POU2F3: variants seen among roughly 807,000 people sequenced by gnomAD.
POU2F3 encodes the protein POU domain, class 2, transcription factor 3.
In POU2F3, 23 loss-of-function variants were observed where a neutral mutation model predicts 59.2. The observed-to-expected ratio is 0.39, with a 90% CI of 0.28 to 0.55. The LOEUF is 0.55. Ranked by LOEUF, POU2F3 falls within the 20% of genes least tolerant of loss-of-function variation. The pLI is 0.66. For synonymous variants in POU2F3, 190 were observed against 214.6 expected, an observed-to-expected ratio of 0.89 and a Z score of 1.00; for missense variants, 473 against 544.5, an observed-to-expected ratio of 0.87 and a Z score of 1.31.
At chr11:120,277,083 C>CA (rs1349428735) in intron 3 of POU2F3, among the ~76,000 whole-genome samples, 3 of 151,652 alleles carry the variant, frequency 2.0e-5, no homozygotes, top group African/African-American at 7.3e-5. Flanking sequence ...TACAAAAATA[C>CA]AAAAAAATAT....
chr11:120,250,581 A>G (rs1391307510), intron 2 of POU2F3, among the ~76,000 whole-genome samples: 1 of 152,240 alleles, frequency 6.6e-6, no homozygotes, highest in Non-Finnish European at 1.5e-5. Flanking sequence ...TACCTAGAGA[A>G]TGACAGAACT....
At chr11:120,280,457 A>C (rs1238108452) in intron 3 of POU2F3, among the ~76,000 whole-genome samples, 1 of 152,148 alleles carries the variant, frequency 6.6e-6, no homozygotes, top group Non-Finnish European at 1.5e-5. Context: ...AATCCTTACA[A>C]CAGCCTGGTG....
At chr11:120,245,646 C>A (rs1938838458) in intron 1 of POU2F3, among the ~76,000 whole-genome samples, 1 of 152,190 alleles carries the variant, frequency 6.6e-6, no homozygotes, top group Non-Finnish European at 1.5e-5. Flanking sequence ...GGGCCTCCCA[C>A]ATAGGTGGTG....
intron 3 of POU2F3, among the ~76,000 whole-genome samples, chr11:120,293,597 A>T (rs1444077031): frequency 2.6e-5 from 4 of 152,190 alleles, no homozygotes; most frequent in Non-Finnish European, 5.9e-5. Context: ...TGAAATGTTT[A>T]TGAAACACTT....
chr11:120,294,758 G>A (rs1036510453), intron 3 of POU2F3, among the ~76,000 whole-genome samples: 3 of 152,150 alleles, frequency 2.0e-5, no homozygotes, highest in Non-Finnish European at 2.9e-5. Flanking sequence ...GTTGAACTCA[G>A]CTAATAGAGA....
intron 10 of POU2F3, 139 bp downstream of exon 10, chr11:120,309,725 G>A (rs1941604200): frequency 1.9e-6 from 2 of 1,046,110 alleles, no homozygotes; most frequent in African/African-American, 1.6e-5. Context: ...ATAGTATAAA[G>A]AAGGGCGAGG....
chr11:120,309,292 G>A (rs1300928431), intron 9 of POU2F3, 133 bp from the exon 10 acceptor site: 5 of 894,696 alleles, frequency 5.6e-6, no homozygotes, highest in Non-Finnish European at 5.0e-6. Context: ...AAGTGAAAAA[G>A]CCAGTATTTC....
Position 120,309,517 on chromosome 11 carries a change from C to T in POU2F3, c.999C>T (p.Arg333=), listed in dbSNP as rs372281815. 5 of 1,613,916 alleles carry T rather than the reference C, an allele frequency of 3.1e-6. No individual in the cohort carries two copies. Among genetic ancestry groups the T allele is most frequent in the Non-Finnish European group, 4.2e-6 (5 of 1,180,012 alleles). The change falls in exon 10 of 13, where the codon CGC becomes CGT. Residue 333 remains arginine (R), a synonymous_variant. Coordinates refer to ENST00000543440, the MANE Select transcript of POU2F3 (RefSeq NM_014352.4). The stretch of plus-strand genomic sequence containing the variant: ...TGAGGGTCTGGTTCTGCAACCGACG[C>T]CAAAAGGAGAAGCGAATCAACTGCC... ...EVVRVWFCNR[R]QKEKRINCPV...
At chr11:120,236,764 C>T (rs1225054457), upstream of POU2F3, 22 of 1,400,128 alleles carry the variant, frequency 1.6e-5, no homozygotes, top group Admixed American at 1.4e-4. Flanking sequence ...GATCAGTGAG[C>T]AAGTCTGAGA....
chr11:120,268,512 T>C (rs769936742), intron 2 of POU2F3, among the ~76,000 whole-genome samples: 1 of 152,090 alleles, frequency 6.6e-6, no homozygotes, highest in African/African-American at 2.4e-5. Context: ...GGCTAATTTT[T>C]TTGTATTTTT....
At chr11:120,317,792 T>G (rs1941827611) in intron 12 of POU2F3, among the ~76,000 whole-genome samples, 1 of 152,198 alleles carries the variant, frequency 6.6e-6, no homozygotes, top group African/African-American at 2.4e-5. Flanking sequence ...TGCCAATTCC[T>G]GTCTCCCACT....
intron 1 of POU2F3, among the ~76,000 whole-genome samples, chr11:120,241,632 G>T (rs73006667): frequency 6.6e-6 from 1 of 152,342 alleles, no homozygotes; most frequent in Non-Finnish European, 1.5e-5. Context: ...AGATCCCCGG[G>T]TAGGTGCTCT....
intron 3 of POU2F3, among the ~76,000 whole-genome samples, chr11:120,269,977 G>A (rs759622605): frequency 6.6e-6 from 1 of 152,114 alleles, no homozygotes; most frequent in Non-Finnish European, 1.5e-5. Flanking sequence ...GCGGGAGTGG[G>A]AGAGTTTGTT....
chr11:120,265,635 A>G (rs901281744), intron 2 of POU2F3, among the ~76,000 whole-genome samples: 17 of 152,224 alleles, frequency 1.1e-4, no homozygotes, highest in African/African-American at 4.1e-4. Flanking sequence ...TAATCTCTGA[A>G]TTGTGCTTAC....
At chr11:120,264,701 A>G (rs939787689) in intron 2 of POU2F3, among the ~76,000 whole-genome samples, 2 of 152,204 alleles carry the variant, frequency 1.3e-5, no homozygotes, top group Non-Finnish European at 2.9e-5. Context: ...ACCTTGTTTT[A>G]CCACTGAGAT....
chr11:120,280,451 C>T (rs1940515845), intron 3 of POU2F3, among the ~76,000 whole-genome samples: 1 of 152,174 alleles, frequency 6.6e-6, no homozygotes, highest in Non-Finnish European at 1.5e-5. Flanking sequence ...CTAATTAATC[C>T]TTACAACAGC....
intron 5 of POU2F3, chr11:120,301,320 C>T: frequency 4.1e-6 from 1 of 246,076 alleles, no homozygotes; most frequent in Non-Finnish European, 8.1e-6. Context: ...TCCATTTCAA[C>T]CGCCATGTCA....
At position 120,305,655 on chromosome 11, in the gene POU2F3, G is replaced by T. The variant is rs749323966; in HGVS notation, c.639G>T (p.Gly213=). The change falls in exon 8 of 13, where the codon GGG becomes GGT. Residue 213 remains glycine, a synonymous_variant. Transcript: ENST00000543440. ...IKLGFTQGDV[G]LAMGKLYGND... is the part of the protein sequence containing the mutation. ...GTCCCCACGCTTAGGGAGATGTGGG[G>T]CTGGCGATGGGAAAGCTGTATGGCA... 1 of 1,613,904 alleles carries T rather than the reference G, an allele frequency of 6.2e-7. No homozygotes were observed. Among genetic ancestry groups the T allele is most frequent in the Non-Finnish European group, 8.5e-7 (1 of 1,180,024 alleles).
At chr11:120,242,093 A>G (rs1938688546) in intron 1 of POU2F3, among the ~76,000 whole-genome samples, 1 of 152,014 alleles carries the variant, frequency 6.6e-6, no homozygotes, top group African/African-American at 2.4e-5. Flanking sequence ...TGCCCAATTC[A>G]TCTCTCTCCA....
Sources: gnomAD v4.1 joint callset for allele counts (sites outside exome capture counted in the v4.1 genomes callset) on GRCh38, gnomAD v4.1.1 for gene constraint, MANE v1.5 for transcripts, NCBI Gene and HGNC (gene_info 2026-07-23, HGNC 2026-07-21) for gene names.